The following ERC2 variants were observed in gnomAD, a reference collection of about 807,000 sequenced individuals.
ERC2 encodes ERC protein 2.
A neutral mutation model predicts 114.8 loss-of-function variants in ERC2; 42 were observed. The observed-to-expected ratio is 0.37, with a 90% confidence interval of 0.29 to 0.47. The LOEUF is 0.47. ERC2 is among the 20% of genes least tolerant of loss of function. ERC2 has a pLI of 0.99. For missense variants in ERC2, 939 were observed against 1,150.7 expected, an observed-to-expected ratio of 0.82 and a Z score of 2.66; for synonymous variants, 454 against 425.5, an observed-to-expected ratio of 1.07 and a Z score of -0.82.
chr3:56,261,107 C>A (rs1255964602), intron 3 of ERC2, among the ~76,000 whole-genome samples: 1 of 152,138 alleles, frequency 6.6e-6, no homozygotes, highest in African/African-American at 2.4e-5. Flanking sequence ...CTGCCTCCAG[C>A]CTTTTTAAGC....
chr3:55,681,140 G>A (rs1005716347), intron 17 of ERC2, among the ~76,000 whole-genome samples: 4 of 152,094 alleles, frequency 2.6e-5, no homozygotes, highest in Admixed American at 1.3e-4. Context: ...CCGTGTGCTC[G>A]GAAAATACCA....
chr3:55,848,494 T>C (rs1254150731), intron 14 of ERC2, among the ~76,000 whole-genome samples: 3 of 152,194 alleles, frequency 2.0e-5, no homozygotes, highest in Non-Finnish European at 4.4e-5. Context: ...TGTTTCCCTG[T>C]GGCTCCAAAT....
chr3:56,397,003 T>C (rs1345243749), intron 2 of ERC2, among the ~76,000 whole-genome samples: 3 of 152,138 alleles, frequency 2.0e-5, no homozygotes, highest in Non-Finnish European at 4.4e-5. Flanking sequence ...GCCTTTACCC[T>C]GTTAGGGCAC....
At chr3:56,358,239 T>C (rs2058818449) in intron 2 of ERC2, among the ~76,000 whole-genome samples, 1 of 152,160 alleles carries the variant, frequency 6.6e-6, no homozygotes, top group African/African-American at 2.4e-5. Flanking sequence ...CCGAACAATA[T>C]TTCTAAAGTG....
intron 14 of ERC2, among the ~76,000 whole-genome samples, chr3:55,807,900 G>A (rs1184345548): frequency 2.0e-5 from 3 of 152,090 alleles, no homozygotes; most frequent in Middle Eastern, 3.2e-3. Flanking sequence ...AGAGTCTTCC[G>A]CTAAAATGAC....
At chr3:56,074,194 G>A (rs2076869639) in intron 7 of ERC2, among the ~76,000 whole-genome samples, 1 of 152,132 alleles carries the variant, frequency 6.6e-6, no homozygotes, top group South Asian at 2.1e-4. Context: ...GAATAGTGTG[G>A]TGGTTAAGAA....
intron 12 of ERC2, among the ~76,000 whole-genome samples, chr3:55,970,634 A>G (rs992885852): frequency 3.3e-5 from 5 of 152,176 alleles, no homozygotes; most frequent in African/African-American, 7.2e-5. Flanking sequence ...CAAAACCACA[A>G]TGAGATACCA....
chr3:56,208,780 G>A (rs566782825), intron 3 of ERC2, among the ~76,000 whole-genome samples: 13 of 152,260 alleles, frequency 8.5e-5, no homozygotes, highest in Middle Eastern at 3.4e-3. Flanking sequence ...CCTAGCTAGC[G>A]GTACTGGGGT....
intron 14 of ERC2, among the ~76,000 whole-genome samples, chr3:55,874,888 A>G (rs2062752350): frequency 6.6e-6 from 1 of 152,190 alleles, no homozygotes. Flanking sequence ...AGGGAGCTAC[A>G]GTCATGGAGA....
At chr3:56,451,769 C>A (rs2062838048) in intron 1 of ERC2, among the ~76,000 whole-genome samples, 1 of 152,164 alleles carries the variant, frequency 6.6e-6, no homozygotes, top group African/African-American at 2.4e-5. Context: ...TTCTGGAGAA[C>A]AAATCTGTAA....
intron 7 of ERC2, among the ~76,000 whole-genome samples, chr3:56,041,009 A>G (rs1263565970): frequency 6.6e-6 from 1 of 151,844 alleles, no homozygotes; most frequent in Non-Finnish European, 1.5e-5. Context: ...TCATTCAATC[A>G]ATTTTATGAT....
intron 2 of ERC2, among the ~76,000 whole-genome samples, chr3:56,419,232 T>A (rs1470471317): frequency 6.7e-5 from 3 of 45,082 alleles, no homozygotes; most frequent in African/African-American, 2.7e-4. Flanking sequence ...ATTCGTTCCT[T>A]GCTCTTATCA....
At chr3:56,367,510 A>G (rs1409213465) in intron 2 of ERC2, among the ~76,000 whole-genome samples, 1 of 151,916 alleles carries the variant, frequency 6.6e-6, no homozygotes, top group African/African-American at 2.4e-5. Context: ...TTTTCCCAAC[A>G]ACTCTCCTAA....
intron 14 of ERC2, among the ~76,000 whole-genome samples, chr3:55,793,612 C>G: frequency 6.6e-6 from 1 of 152,164 alleles, no homozygotes; most frequent in East Asian, 1.9e-4. Context: ...AATATAATAG[C>G]AGATTGCATT....
At chr3:56,043,353 T>C (rs1370667597) in intron 7 of ERC2, among the ~76,000 whole-genome samples, 1 of 152,152 alleles carries the variant, frequency 6.6e-6, no homozygotes, top group Non-Finnish European at 1.5e-5. Context: ...TGATTAAGAA[T>C]TTTTTATGGC....
At chr3:55,519,945 C>T (rs907570956) in intron 17 of ERC2, among the ~76,000 whole-genome samples, 3 of 151,516 alleles carry the variant, frequency 2.0e-5, no homozygotes, top group African/African-American at 7.3e-5. Context: ...GTCCCAGCTA[C>T]TTGGTAGGCT....
intron 17 of ERC2, among the ~76,000 whole-genome samples, chr3:55,593,726 G>A (rs527451388): frequency 1.3e-5 from 2 of 152,144 alleles, no homozygotes; most frequent in African/African-American, 4.8e-5. Context: ...ATTTCCTCCA[G>A]GGCCAAATAT....
chr3:56,126,437 T>C (rs1212399201), intron 6 of ERC2, among the ~76,000 whole-genome samples: 3 of 152,130 alleles, frequency 2.0e-5, no homozygotes, highest in Non-Finnish European at 2.9e-5. Context: ...AAATTAGGCA[T>C]AGAAGGAATG....
At chr3:56,063,290 G>T (rs1217966964) in intron 7 of ERC2, among the ~76,000 whole-genome samples, 1 of 152,044 alleles carries the variant, frequency 6.6e-6, no homozygotes, top group African/African-American at 2.4e-5. Flanking sequence ...GATTGTGAAG[G>T]GGCTTACATT....
Sources: allele counts gnomAD v4.1 joint callset (sites outside exome capture counted in the v4.1 genomes callset), GRCh38; gene constraint gnomAD v4.1.1; transcripts MANE v1.5; gene names NCBI Gene and HGNC (gene_info 2026-07-23, HGNC 2026-07-21).